PLXNA4: variants seen among roughly 807,000 people sequenced by gnomAD.
PLXNA4 encodes the protein plexin-A4.
Under a neutral mutation model 191.8 loss-of-function variants are expected in PLXNA4, and 44 were observed. The ratio of observed to expected loss-of-function variants is 0.23; its 90% confidence interval spans 0.18 to 0.29. The LOEUF (loss-of-function observed/expected upper bound fraction) is 0.29. PLXNA4 is among the 10% of genes least tolerant of loss of function. The pLI, the probability that PLXNA4 is intolerant of heterozygous loss-of-function variation, is 1.00. For synonymous variants in PLXNA4, 1,082 were observed against 1,009.5 expected, an observed-to-expected ratio of 1.07 and a Z score of -1.36; for missense variants, 1,800 against 2,488.8, an observed-to-expected ratio of 0.72 and a Z score of 5.89.
intron 3 of PLXNA4, among the ~76,000 whole-genome samples, chr7:132,391,938 C>A (rs1332578487): frequency 6.6e-6 from 1 of 151,960 alleles, no homozygotes; most frequent in Non-Finnish European, 1.5e-5. Flanking sequence ...ACCAGCCTGG[C>A]CAACATGGTG....
chr7:132,407,029 C>T (rs1227373018), intron 3 of PLXNA4, among the ~76,000 whole-genome samples: 1 of 152,228 alleles, frequency 6.6e-6, no homozygotes. Flanking sequence ...CCCAAGTCCT[C>T]ATCTGCCTTA....
At chr7:132,327,781 C>T (rs1055938718) in intron 3 of PLXNA4, among the ~76,000 whole-genome samples, 7 of 152,190 alleles carry the variant, frequency 4.6e-5, no homozygotes, top group Non-Finnish European at 2.9e-5. Flanking sequence ...GAGCAGAGCA[C>T]ACGGTCCATT....
At chr7:132,189,007 A>AAAGGAAAGGAAAG (rs1562908954) in intron 14 of PLXNA4, among the ~76,000 whole-genome samples, 1 of 78,536 alleles carries the variant, frequency 1.3e-5, no homozygotes, top group Non-Finnish European at 2.7e-5. Context: ...AGAGAGAGAG[A>AAAGGAAAGGAAAG]GAGAGAGAGA....
At chr7:132,257,013 T>A (rs1799456300) in intron 4 of PLXNA4, among the ~76,000 whole-genome samples, 2 of 152,144 alleles carry the variant, frequency 1.3e-5, no homozygotes, top group South Asian at 4.1e-4. Context: ...GAGGACAGCC[T>A]CCAGTTTACA....
intron 3 of PLXNA4, among the ~76,000 whole-genome samples, chr7:132,327,835 CAG>C (rs1203546038): frequency 6.6e-6 from 1 of 152,184 alleles, no homozygotes; most frequent in Non-Finnish European, 1.5e-5. Context: ...GTCTCAGCAG[CAG>C]AGAGATTTTC....
At chr7:132,583,623 C>T (rs1802449885) in intron 2 of PLXNA4, among the ~76,000 whole-genome samples, 1 of 152,190 alleles carries the variant, frequency 6.6e-6, no homozygotes, top group Non-Finnish European at 1.5e-5. Context: ...CAGACAGTTG[C>T]CTTAGGGATT....
intron 3 of PLXNA4, among the ~76,000 whole-genome samples, chr7:132,394,153 A>G (rs1793648001): frequency 6.6e-6 from 1 of 152,172 alleles, no homozygotes; most frequent in African/African-American, 2.4e-5. Context: ...GTTTGTGCTC[A>G]TGCAAAGCTT....
intron 4 of PLXNA4, among the ~76,000 whole-genome samples, chr7:132,269,263 G>C (rs936884975): frequency 1.3e-5 from 2 of 152,188 alleles, no homozygotes; most frequent in African/African-American, 2.4e-5. Context: ...ATAGTACACT[G>C]CCTGTTTTCT....
chr7:132,123,493 C>G lies in PLXNA4; in HGVS notation c.*6986G>C, dbSNP rs146750018. 1 of 152,124 alleles carries G rather than the reference C, an allele frequency of 6.6e-6. No homozygotes were observed. The highest frequency in any genetic ancestry group is 1.5e-5 in the Non-Finnish European group (1 of 68,010). 9.4% of individuals were successfully genotyped at this position (152,124 alleles called of 1,614,324 possible). A position where few individuals can be genotyped will look rare whatever the true frequency, so the allele number is the denominator to read the frequency against. Reference sequence around the variant, plus strand: ...GAAGCTTGCCTTTACCAAGTTACAACTGGGCTCCAATTTAAATAGCACAGG... The same window carrying G: ...GAAGCTTGCCTTTACCAAGTTACAAGTGGGCTCCAATTTAAATAGCACAGG... On this transcript the variant is annotated 3_prime_UTR_variant, in exon 32 of 32. Coordinates refer to ENST00000321063, the MANE Select transcript of PLXNA4 (RefSeq NM_020911.2).
chr7:132,159,036 T>G (rs1324871954), intron 25 of PLXNA4, among the ~76,000 whole-genome samples: 1 of 152,182 alleles, frequency 6.6e-6, no homozygotes, highest in Non-Finnish European at 1.5e-5. Context: ...GCAAAAATTA[T>G]AGGCATGGAA....
intron 3 of PLXNA4, among the ~76,000 whole-genome samples, chr7:132,353,717 T>C (rs531536618): frequency 2.0e-5 from 3 of 152,288 alleles, no homozygotes; most frequent in East Asian, 3.9e-4. Context: ...AATAAGTCTA[T>C]GAATGACTTG....
intron 1 of PLXNA4, among the ~76,000 whole-genome samples, chr7:132,567,149 T>C (rs1203139070): frequency 6.6e-6 from 1 of 152,192 alleles, no homozygotes; most frequent in East Asian, 1.9e-4. Context: ...ACAGGTCTTC[T>C]TCACCTTTAA....
intron 15 of PLXNA4, 109 bp downstream of exon 15, chr7:132,187,362 G>A (rs1209707089): frequency 2.0e-6 from 3 of 1,487,620 alleles, no homozygotes; most frequent in East Asian, 4.7e-5. Flanking sequence ...AACCTGTCAG[G>A]TGGTTACACC....
At chr7:132,226,945 C>T (rs1798344791) in intron 7 of PLXNA4, among the ~76,000 whole-genome samples, 1 of 152,262 alleles carries the variant, frequency 6.6e-6, no homozygotes, top group Non-Finnish European at 1.5e-5. Context: ...GCCTGTCCCT[C>T]ACCAGCATGG....
At chr7:132,516,586 C>A (rs1798950555) in intron 1 of PLXNA4, among the ~76,000 whole-genome samples, 1 of 152,198 alleles carries the variant, frequency 6.6e-6, no homozygotes, top group Admixed American at 6.5e-5. Flanking sequence ...CTGTATTCAG[C>A]CAACGACTAT....
intron 3 of PLXNA4, among the ~76,000 whole-genome samples, chr7:132,351,056 T>A (rs1803465020): frequency 6.6e-6 from 1 of 152,194 alleles, no homozygotes; most frequent in African/African-American, 2.4e-5. Context: ...CATATAAGAT[T>A]CCTTTTATAC....
At chr7:132,344,732 A>G (rs1238552904) in intron 3 of PLXNA4, among the ~76,000 whole-genome samples, 2 of 152,174 alleles carry the variant, frequency 1.3e-5, no homozygotes, top group African/African-American at 4.8e-5. Context: ...TTGTCCTCGA[A>G]GTGTTGTCAT....
chr7:132,502,603 C>G (rs963437515), intron 2 of PLXNA4, among the ~76,000 whole-genome samples: 2 of 152,148 alleles, frequency 1.3e-5, no homozygotes, highest in African/African-American at 4.8e-5. Flanking sequence ...CCAAGAACTG[C>G]CCACCCCAGA....
At chr7:132,447,812 G>A (rs1336323262) in intron 3 of PLXNA4, among the ~76,000 whole-genome samples, 5 of 137,862 alleles carry the variant, frequency 3.6e-5, no homozygotes. Flanking sequence ...ACATGGTGAA[G>A]CCCACCTGTA....
Sources: allele counts gnomAD v4.1 joint callset (sites outside exome capture counted in the v4.1 genomes callset), GRCh38; gene constraint gnomAD v4.1.1; transcripts MANE v1.5; gene names NCBI Gene and HGNC (gene_info 2026-07-23, HGNC 2026-07-21).